Variants in AMD1 observed in about 807,000 individuals in gnomAD.
AMD1 encodes the protein S-adenosylmethionine decarboxylase proenzyme.
A neutral mutation model predicts 40.2 loss-of-function variants in AMD1; 11 were observed. The observed-to-expected ratio is 0.27, with a 90% CI of 0.17 to 0.45. The LOEUF (loss-of-function observed/expected upper bound fraction) is 0.45, where lower values mean the gene tolerates loss of function less well. Ranked by LOEUF, AMD1 falls within the 20% of genes least tolerant of loss-of-function variation. The pLI is 1.00. For synonymous variants in AMD1, 121 were observed against 130.8 expected (o/e 0.93, Z 0.51); for missense variants, 257 against 410.2 (o/e 0.63, Z 3.23).
At chr6:110,863,233 C>A in the AMD1 span, among the ~76,000 whole-genome samples, 3 of 151,974 alleles carry the variant, frequency 2.0e-5, no homozygotes, top group South Asian at 6.2e-4. Context: ...GCATGAGCCA[C>A]CACGCCTGGC....
chr6:110,865,877 C>T, the AMD1 span, among the ~76,000 whole-genome samples: 1 of 152,048 alleles, frequency 6.6e-6, no homozygotes, highest in African/African-American at 2.4e-5. Context: ...ATTCCTCTGC[C>T]TCAGCCTCCT....
the AMD1 span, among the ~76,000 whole-genome samples, chr6:110,865,573 T>C: frequency 2.0e-5 from 3 of 151,496 alleles, no homozygotes; most frequent in Non-Finnish European, 4.4e-5. Flanking sequence ...TTTGGATTTT[T>C]TAGCAGACAC....
chr6:110,866,121 ATTTTAAG>A, the AMD1 span, among the ~76,000 whole-genome samples: 1 of 152,098 alleles, frequency 6.6e-6, no homozygotes, highest in Non-Finnish European at 1.5e-5. Flanking sequence ...CATAATTTTA[ATTTTAAG>A]TTTTATTAAT....
At chr6:110,876,541 G>A (rs1435986106) in intron 1 of AMD1, among the ~76,000 whole-genome samples, 1 of 152,098 alleles carries the variant, frequency 6.6e-6, no homozygotes, top group African/African-American at 2.4e-5. Flanking sequence ...CGGGAAACCC[G>A]GTTTCTAGCA....
intron 1 of AMD1, among the ~76,000 whole-genome samples, chr6:110,886,203 A>G (rs1352564651): frequency 2.1e-5 from 3 of 141,628 alleles, no homozygotes; most frequent in Non-Finnish European, 4.5e-5. Context: ...AGCCTGGGTG[A>G]CAGAGCAAGA....
At chr6:110,892,639 G>A in intron 6 of AMD1, 96 bp from the exon 7 acceptor site, 8 of 1,462,530 alleles carry the variant, frequency 5.5e-6, no homozygotes, top group Admixed American at 1.8e-5. Context: ...TATTTTTCCT[G>A]GTCCTCTCCC....
chr6:110,837,337 T>A, the AMD1 span, among the ~76,000 whole-genome samples: 1 of 151,514 alleles, frequency 6.6e-6, no homozygotes, highest in African/African-American at 2.4e-5. Flanking sequence ...GGAAAAGTAT[T>A]TTCTTTCAGT....
intron 1 of AMD1, 124 bp from the exon 2 acceptor site, chr6:110,887,381 T>G (rs1785757247): frequency 1.7e-6 from 1 of 583,268 alleles, no homozygotes; most frequent in Non-Finnish European, 3.0e-6. Flanking sequence ...TGAAAGAAAC[T>G]AAAAGTTGGT....
intron 1 of AMD1, chr6:110,875,718 A>T (rs890575637): frequency 6.6e-6 from 1 of 152,102 alleles, no homozygotes; most frequent in Non-Finnish European, 1.5e-5. Context: ...TCGGGCGCGG[A>T]TAGGAGGGGC....
chr6:110,835,874 A>AC, the AMD1 span, among the ~76,000 whole-genome samples: 1 of 145,394 alleles, frequency 6.9e-6, no homozygotes, highest in Non-Finnish European at 1.5e-5. Flanking sequence ...CCCCCACCCC[A>AC]CCCCCCAAAA....
the AMD1 span, among the ~76,000 whole-genome samples, chr6:110,837,493 C>T: frequency 3.3e-5 from 5 of 149,654 alleles, no homozygotes; most frequent in African/African-American, 9.8e-5. Context: ...GATGGATCAC[C>T]TGAGGTCAGG....
the AMD1 span, among the ~76,000 whole-genome samples, chr6:110,838,695 C>T: frequency 1.3e-5 from 2 of 152,156 alleles, no homozygotes; most frequent in South Asian, 4.1e-4. Flanking sequence ...CCTGACTCTA[C>T]TGAAAATACA....
At chr6:110,871,853 G>C (rs985743247), upstream of AMD1, among the ~76,000 whole-genome samples, 15 of 152,170 alleles carry the variant, frequency 9.9e-5, no homozygotes, top group African/African-American at 3.4e-4. Context: ...ACTATGGGCA[G>C]GTCATAAAGC....
At chr6:110,817,983 G>C in the AMD1 span, among the ~76,000 whole-genome samples, 1 of 152,176 alleles carries the variant, frequency 6.6e-6, no homozygotes, top group African/African-American at 2.4e-5. Context: ...CATAAATCAT[G>C]AGAGAACATC....
chr6:110,861,003 A>G, the AMD1 span, among the ~76,000 whole-genome samples: 19 of 151,924 alleles, frequency 1.3e-4, no homozygotes, highest in African/African-American at 4.4e-4. Context: ...AGGCGGGTGG[A>G]TCACTTGAGG....
At chr6:110,835,927 A>G in the AMD1 span, among the ~76,000 whole-genome samples, 12,962 of 145,794 alleles carry the variant, frequency 0.089, 717 homozygotes, top group Middle Eastern at 0.13. Context: ...CAGGAGGATC[A>G]CTTGAGCCCA....
chr6:110,847,042 AGTGTGTGTGTGTGTGTGTGTGGT>A, the AMD1 span, among the ~76,000 whole-genome samples: 3 of 146,294 alleles, frequency 2.1e-5, no homozygotes, highest in Non-Finnish European at 3.0e-5. Context: ...GAACTAGGAG[AGTGTGTGTGTGTGTGTGTGTGGT>A]GTGTGTGTGT....
chr6:110,870,132 A>G (rs1052406205), upstream of AMD1, among the ~76,000 whole-genome samples: 1 of 152,182 alleles, frequency 6.6e-6, no homozygotes, highest in African/African-American at 2.4e-5. Context: ...ACAACCGGTA[A>G]GTGTTTAACA....
At chr6:110,863,109 TA>T in the AMD1 span, among the ~76,000 whole-genome samples, 1 of 151,718 alleles carries the variant, frequency 6.6e-6, no homozygotes, top group Non-Finnish European at 1.5e-5. Context: ...CACGCCCGGC[TA>T]ATTTTTTTGT....
Sources: allele counts gnomAD v4.1 joint callset (sites outside exome capture counted in the v4.1 genomes callset), GRCh38; gene constraint gnomAD v4.1.1; transcripts MANE v1.5; gene names NCBI Gene and HGNC (gene_info 2026-07-23, HGNC 2026-07-21).